Variants in CSMD1 observed in about 807,000 individuals in gnomAD.
CSMD1 encodes CUB and sushi domain-containing protein 1.
CSMD1 carries 213 observed loss-of-function variants against 417.5 expected under a neutral mutation model. That is an observed-to-expected ratio of 0.51 (90% CI 0.46 to 0.57). The LOEUF is 0.57. CSMD1 is among the 20% of genes least tolerant of loss of function. The pLI is 0.00. For synonymous variants in CSMD1, 2,862 were observed against 1,736.8 expected, an observed-to-expected ratio of 1.65 and a Z score of -16.11; for missense variants, 6,923 against 4,529.7, an observed-to-expected ratio of 1.53 and a Z score of -15.17.
intron 1 of CSMD1, among the ~76,000 whole-genome samples, chr8:4,927,557 A>G (rs1324923372): frequency 6.6e-6 from 1 of 152,144 alleles, no homozygotes; most frequent in Admixed American, 6.5e-5. Flanking sequence ...AACAACTAGC[A>G]TGTAAGAGTT....
intron 26 of CSMD1, among the ~76,000 whole-genome samples, chr8:3,232,111 G>A (rs895772426): frequency 9.9e-5 from 15 of 152,142 alleles, no homozygotes; most frequent in African/African-American, 3.1e-4. Context: ...TGATCAATGC[G>A]TAGAACATAC....
intron 1 of CSMD1, among the ~76,000 whole-genome samples, chr8:4,944,155 T>C (rs1808212457): frequency 6.6e-6 from 1 of 152,124 alleles, no homozygotes; most frequent in Non-Finnish European, 1.5e-5. Context: ...ATCTTGGAAG[T>C]CTCATGAAAG....
chr8:3,314,375 C>G (rs531929695), intron 23 of CSMD1, among the ~76,000 whole-genome samples: 6 of 152,066 alleles, frequency 3.9e-5, no homozygotes, highest in Non-Finnish European at 7.4e-5. Flanking sequence ...CAATTTTAAG[C>G]CTGCTGAAGA....
Position 4,439,396 on chromosome 8 carries a change from CACGT to C in CSMD1, c.303-19335_303-19332del, listed in dbSNP as rs568248403. 9.2e-5 allele frequency among the ~76,000 whole-genome samples: 14 copies of C among 152,160 alleles called. No homozygotes were observed. The South Asian group carries it at 2.7e-3, about 29-fold the overall frequency. On this transcript the variant is annotated intron_variant, in intron 2 of 69. Transcript: ENST00000635120. ...AACTTTGTGGGTTACTAACTTATTT[CACGT>C]ACGTTTATTACTTAATATTTAATAA...
chr8:4,894,321 TTTAA>T (rs1804332071), intron 1 of CSMD1, among the ~76,000 whole-genome samples: 1 of 152,098 alleles, frequency 6.6e-6, no homozygotes. Context: ...TCATTTTTTA[TTTAA>T]TTTTCTACTA....
intron 1 of CSMD1, among the ~76,000 whole-genome samples, chr8:4,825,833 G>C (rs561928301): frequency 2.7e-5 from 4 of 150,642 alleles, no homozygotes; most frequent in Admixed American, 1.3e-4. Context: ...ATTAAGAAAT[G>C]GGCAAAAGAC....
At position 3,431,777 on chromosome 8, in the gene CSMD1, AT is replaced by A. The variant is rs553871177; in HGVS notation, c.1562-22173del. ...GATAACTTGTTCAATGACTTTGAAA[AT>A]TTGCTCCTATTTATTCATAACATTG... On this transcript the variant is annotated intron_variant, in intron 12 of 69. Transcript: ENST00000635120. 1.2e-3 allele frequency among the ~76,000 whole-genome samples: 185 copies of A among 152,266 alleles called. 1 individual carries two copies. Among genetic ancestry groups the A allele is most frequent in the African/African-American group, 4.4e-3 (181 of 41,552 alleles).
At chr8:3,748,873 G>A (rs1408373615) in intron 6 of CSMD1, among the ~76,000 whole-genome samples, 5 of 152,140 alleles carry the variant, frequency 3.3e-5, no homozygotes, top group Non-Finnish European at 5.9e-5. Flanking sequence ...AAGCTTTATC[G>A]CCACTGTCAG....
chr8:4,973,810 C>T (rs1810384700), intron 1 of CSMD1, among the ~76,000 whole-genome samples: 1 of 152,090 alleles, frequency 6.6e-6, no homozygotes, highest in African/African-American at 2.4e-5. Flanking sequence ...CTTAGCTGTT[C>T]CTGAACTGAG....
intron 1 of CSMD1, among the ~76,000 whole-genome samples, chr8:4,840,307 C>G (rs749789244): frequency 6.6e-6 from 1 of 152,148 alleles, no homozygotes; most frequent in African/African-American, 2.4e-5. Flanking sequence ...ACTCTTCCAC[C>G]TTCTATTCAG....
rs544648843 is a variant in CSMD1, at chr8:3,859,984, G to C, written c.819-105942C>G. On this transcript the variant is annotated intron_variant, in intron 5 of 69. Transcript: ENST00000635120. ...CAGTGAATTTTCAAGCCTGAGGGTG[G>C]TTTTGGGAAACCCAAACTTGGAGTT... Among the ~76,000 whole-genome samples, 11 of 152,218 alleles carry C rather than the reference G, an allele frequency of 7.2e-5. No individual in the cohort carries two copies. In the East Asian group the frequency reaches 1.2e-3, roughly 16 times the overall value.
intron 7 of CSMD1, among the ~76,000 whole-genome samples, chr8:3,693,958 G>A (rs1178804681): frequency 2.7e-5 from 4 of 150,426 alleles, no homozygotes; most frequent in Admixed American, 1.3e-4. Flanking sequence ...TGGATATAGG[G>A]GTGTGTGTGT....
intron 6 of CSMD1, among the ~76,000 whole-genome samples, chr8:3,740,533 C>T (rs552686182): frequency 1.5e-4 from 23 of 152,118 alleles, no homozygotes; most frequent in Admixed American, 7.9e-4. Context: ...GATATACAGA[C>T]GGAAAGGAGA....
chr8:4,881,979 A>G (rs1803433170), intron 1 of CSMD1, among the ~76,000 whole-genome samples: 1 of 152,096 alleles, frequency 6.6e-6, no homozygotes, highest in South Asian at 2.1e-4. Context: ...CATGGGGCTC[A>G]GCTATACCTG....
At chr8:4,452,908 GCA>G (rs1427246327) in intron 2 of CSMD1, among the ~76,000 whole-genome samples, 2 of 152,168 alleles carry the variant, frequency 1.3e-5, no homozygotes, top group African/African-American at 4.8e-5. Context: ...GCAACGATGG[GCA>G]CAGTGGTAAC....
At chr8:3,443,456 C>T (rs1348184455) in intron 12 of CSMD1, among the ~76,000 whole-genome samples, 1 of 152,148 alleles carries the variant, frequency 6.6e-6, no homozygotes, top group Admixed American at 6.5e-5. Context: ...CGGGTTGACA[C>T]AAACATCTAA....
intron 12 of CSMD1, among the ~76,000 whole-genome samples, chr8:3,466,507 T>C (rs1816797264): frequency 6.6e-6 from 1 of 151,970 alleles, no homozygotes; most frequent in Admixed American, 6.6e-5. Flanking sequence ...CTACCCGGGT[T>C]CAAGCGATTC....
intron 3 of CSMD1, among the ~76,000 whole-genome samples, chr8:4,322,249 T>A (rs139895325): frequency 2.0e-5 from 3 of 152,232 alleles, no homozygotes; most frequent in African/African-American, 7.2e-5. Flanking sequence ...GAAAACATAC[T>A]GTATTTAAAA....
At chr8:2,946,812 C>A (rs1341673286) in intron 68 of CSMD1, among the ~76,000 whole-genome samples, 1 of 152,156 alleles carries the variant, frequency 6.6e-6, no homozygotes, top group African/African-American at 2.4e-5. Context: ...AGAGTGTTTT[C>A]CAGAGCAGCT....
Sources: allele counts gnomAD v4.1 joint callset (sites outside exome capture counted in the v4.1 genomes callset), GRCh38; gene constraint gnomAD v4.1.1; transcripts MANE v1.5; gene names NCBI Gene and HGNC (gene_info 2026-07-23, HGNC 2026-07-21).